SAMTOR: variants seen among roughly 807,000 people sequenced by gnomAD.
SAMTOR encodes UPF0532 protein C7orf60.
the SAMTOR span, among the ~76,000 whole-genome samples, chr7:112,829,307 T>C: frequency 6.6e-6 from 1 of 152,178 alleles, no homozygotes; most frequent in Non-Finnish European, 1.5e-5. Context: ...GAAGATAGAT[T>C]TGGGTATTTT....
At chr7:112,937,514 G>A in the SAMTOR span, among the ~76,000 whole-genome samples, 1 of 151,630 alleles carries the variant, frequency 6.6e-6, no homozygotes, top group Non-Finnish European at 1.5e-5. Flanking sequence ...TATTTCCTTA[G>A]TATTATTATG....
the SAMTOR span, among the ~76,000 whole-genome samples, chr7:112,929,493 A>G: frequency 1.3e-4 from 20 of 152,182 alleles, no homozygotes; most frequent in African/African-American, 4.3e-4. Flanking sequence ...TATGTTGGGT[A>G]TGTAAATTAG....
the SAMTOR span, among the ~76,000 whole-genome samples, chr7:112,859,359 T>A: frequency 2.0e-5 from 3 of 152,240 alleles, no homozygotes; most frequent in African/African-American, 7.2e-5. Flanking sequence ...GTGCAATGCA[T>A]TACTAACATT....
the SAMTOR span, among the ~76,000 whole-genome samples, chr7:112,911,519 A>G: frequency 1.5e-3 from 222 of 152,302 alleles, 2 homozygotes; most frequent in Middle Eastern, 6.8e-3. Flanking sequence ...ATGCCAGTAT[A>G]AAAACAGAAT....
chr7:112,925,814 T>G, the SAMTOR span, among the ~76,000 whole-genome samples: 6 of 138,988 alleles, frequency 4.3e-5, no homozygotes, highest in Non-Finnish European at 7.8e-5. Context: ...AAAAAAAAAG[T>G]ACAACTTAAG....
the SAMTOR span, among the ~76,000 whole-genome samples, chr7:112,823,964 T>C: frequency 1.3e-5 from 2 of 152,260 alleles, no homozygotes; most frequent in Non-Finnish European, 2.9e-5. Context: ...AGATATCTTC[T>C]ATGTTAAAGT....
At chr7:112,866,475 C>A in the SAMTOR span, among the ~76,000 whole-genome samples, 9 of 152,154 alleles carry the variant, frequency 5.9e-5, no homozygotes, top group African/African-American at 2.2e-4. Flanking sequence ...TGCCTTTGGC[C>A]GACCCACAGC....
At chr7:112,924,777 T>A in the SAMTOR span, among the ~76,000 whole-genome samples, 1 of 151,564 alleles carries the variant, frequency 6.6e-6, no homozygotes, top group African/African-American at 2.4e-5. Context: ...TCATGTTAAA[T>A]CATAATAAAT....
chr7:112,910,847 G>C, the SAMTOR span, among the ~76,000 whole-genome samples: 1 of 152,046 alleles, frequency 6.6e-6, no homozygotes, highest in African/African-American at 2.4e-5. Context: ...CACAAAACTA[G>C]TTTGGAATTA....
At chr7:112,846,260 A>C in the SAMTOR span, among the ~76,000 whole-genome samples, 3 of 150,316 alleles carry the variant, frequency 2.0e-5, no homozygotes, top group Admixed American at 1.3e-4. Flanking sequence ...CATACTTAGC[A>C]AACTAATGCA....
chr7:112,912,673 CTGATAGTAA>C, the SAMTOR span, among the ~76,000 whole-genome samples: 1 of 151,612 alleles, frequency 6.6e-6, no homozygotes, highest in African/African-American at 2.4e-5. Flanking sequence ...AGTATTACTT[CTGATAGTAA>C]AAAAAAAAAT....
chr7:112,885,224 T>G, the SAMTOR span, among the ~76,000 whole-genome samples: 1 of 152,158 alleles, frequency 6.6e-6, no homozygotes, highest in African/African-American at 2.4e-5. Flanking sequence ...CTTCTAGGCC[T>G]GTGATGAGAG....
At chr7:112,848,287 C>G in the SAMTOR span, among the ~76,000 whole-genome samples, 1 of 152,076 alleles carries the variant, frequency 6.6e-6, no homozygotes, top group Admixed American at 6.6e-5. Flanking sequence ...AAAAGTATTT[C>G]AAATCTATAA....
chr7:112,915,483 TG>T, the SAMTOR span: 1 of 1,513,368 alleles, frequency 6.6e-7, no homozygotes. Context: ...AAGTTTACAC[TG>T]AAACATGTCA....
the SAMTOR span, among the ~76,000 whole-genome samples, chr7:112,864,481 T>C: frequency 6.6e-6 from 1 of 152,238 alleles, no homozygotes; most frequent in African/African-American, 2.4e-5. Context: ...GTATTCAACC[T>C]GGAGTTAATC....
the SAMTOR span, among the ~76,000 whole-genome samples, chr7:112,884,681 T>C: frequency 6.6e-6 from 1 of 152,174 alleles, no homozygotes; most frequent in Non-Finnish European, 1.5e-5. Context: ...CTTTGCAGGG[T>C]ACAGCCCCTC....
At chr7:112,824,783 G>A in the SAMTOR span, among the ~76,000 whole-genome samples, 25 of 152,232 alleles carry the variant, frequency 1.6e-4, no homozygotes, top group African/African-American at 5.1e-4. Context: ...CAAAAATCAC[G>A]TACGTAAGTT....
the SAMTOR span, among the ~76,000 whole-genome samples, chr7:112,885,010 T>A: frequency 4.6e-5 from 7 of 152,210 alleles, no homozygotes; most frequent in Non-Finnish European, 8.8e-5. Context: ...ACACACTTTG[T>A]ATGCACCCAC....
chr7:112,821,736 C>T, the SAMTOR span: 2 of 1,571,868 alleles, frequency 1.3e-6, no homozygotes, highest in Admixed American at 2.0e-5. Context: ...GGGCTTTTTG[C>T]TTCTATATTA....
Sources: allele counts gnomAD v4.1 joint callset (sites outside exome capture counted in the v4.1 genomes callset), GRCh38; gene constraint gnomAD v4.1.1; transcripts MANE v1.5; gene names NCBI Gene and HGNC (gene_info 2026-07-23, HGNC 2026-07-21).